The following FAM81A variants were observed in gnomAD, a reference collection of about 807,000 sequenced individuals.
FAM81A encodes the protein family with sequence similarity 81 member A.
Under a neutral mutation model 46.7 loss-of-function variants are expected in FAM81A, and 19 were observed. The observed-to-expected ratio is 0.41, with a 90% CI of 0.28 to 0.60. FAM81A has a LOEUF of 0.60. Among genes scored for constraint, FAM81A ranks in the 20% least tolerant of loss-of-function variants. The pLI, the probability that FAM81A is intolerant of heterozygous loss-of-function variation, is 0.34. For missense variants in FAM81A, 377 were observed against 453.5 expected (o/e 0.83, Z 1.53); for synonymous variants, 183 against 152.9 (o/e 1.20, Z -1.45).
chr15:59,401,111 TTGA>T (rs1389317558), intron 1 of FAM81A: 8 of 619,230 alleles, frequency 1.3e-5, no homozygotes, highest in South Asian at 3.7e-5. Context: ...AATAAATCTC[TTGA>T]TGATTGCAGA....
At chr15:59,407,006 C>G (rs571640381) in intron 2 of FAM81A, 1 of 167,908 alleles carries the variant, frequency 6.0e-6, no homozygotes, top group Admixed American at 6.0e-5. Context: ...GCTTTTCCAG[C>G]TTGGCAATGA....
At chr15:59,479,457 G>C (rs1377034369) in intron 3 of FAM81A, among the ~76,000 whole-genome samples, 1 of 148,336 alleles carries the variant, frequency 6.7e-6, no homozygotes, top group Non-Finnish European at 1.5e-5. Flanking sequence ...GTTGCAGTGA[G>C]CTGAGATTGT....
At chr15:59,482,951 G>T (rs373217736) in intron 3 of FAM81A, among the ~76,000 whole-genome samples, 17 of 152,130 alleles carry the variant, frequency 1.1e-4, no homozygotes, top group Admixed American at 1.0e-3. Flanking sequence ...TAACTAGTTT[G>T]TGTTCCTCTT....
chr15:59,434,626 G>C (rs537290838), upstream of FAM81A, among the ~76,000 whole-genome samples: 1 of 152,226 alleles, frequency 6.6e-6, no homozygotes, highest in South Asian at 2.1e-4. Flanking sequence ...GCTCCCTGTG[G>C]GAACCTTCTT....
chr15:59,430,511 C>T (rs532599611), intron 2 of FAM81A, among the ~76,000 whole-genome samples: 136 of 152,240 alleles, frequency 8.9e-4, no homozygotes, highest in African/African-American at 3.2e-3. Context: ...GGTGATCCAC[C>T]TGCCTTGGCC....
intron 1 of FAM81A, among the ~76,000 whole-genome samples, chr15:59,398,641 C>T (rs1410198855): frequency 2.6e-5 from 4 of 151,632 alleles, no homozygotes; most frequent in Non-Finnish European, 5.9e-5. Flanking sequence ...GCCTGTAGTC[C>T]CAGCTATTCA....
At chr15:59,401,591 C>T (rs193277984) in intron 1 of FAM81A, 19 of 868,888 alleles carry the variant, frequency 2.2e-5, no homozygotes, top group Admixed American at 1.5e-4. Context: ...CTTCCTTGTT[C>T]GAATAACTTT....
At chr15:59,412,031 T>G (rs1596460597) in intron 2 of FAM81A, among the ~76,000 whole-genome samples, 5 of 139,840 alleles carry the variant, frequency 3.6e-5, no homozygotes, top group African/African-American at 5.3e-5. Flanking sequence ...GCTATTACAG[T>G]GAAGAGAAAG....
intron 3 of FAM81A, among the ~76,000 whole-genome samples, chr15:59,491,452 A>G (rs2081980531): frequency 1.3e-5 from 2 of 152,186 alleles, no homozygotes; most frequent in Admixed American, 1.3e-4. Flanking sequence ...GGAAATGTGG[A>G]TGATTAATGG....
chr15:59,430,189 G>A (rs1567041091), intron 2 of FAM81A, among the ~76,000 whole-genome samples: 2 of 151,956 alleles, frequency 1.3e-5, no homozygotes, highest in Non-Finnish European at 1.5e-5. Context: ...CAGGGGGATG[G>A]GGAGGATAGG....
At chr15:59,473,512 T>C (rs551288683) in intron 3 of FAM81A, among the ~76,000 whole-genome samples, 6 of 152,300 alleles carry the variant, frequency 3.9e-5, no homozygotes, top group African/African-American at 7.2e-5. Context: ...CAGGGTATGT[T>C]ACAAAAAATA....
intron 3 of FAM81A, among the ~76,000 whole-genome samples, chr15:59,470,285 T>C (rs1023004482): frequency 3.9e-5 from 6 of 152,198 alleles, no homozygotes; most frequent in Non-Finnish European, 5.9e-5. Flanking sequence ...CTGGATGATA[T>C]CCTGAAGAGT....
At chr15:59,510,777 CAAAAAAAA>C (rs71119479) in intron 6 of FAM81A, among the ~76,000 whole-genome samples, 158 of 25,760 alleles carry the variant, frequency 6.1e-3, no homozygotes, top group Admixed American at 0.018. Flanking sequence ...GACCCTGTCT[CAAAAAAAA>C]AAAAAAAAAA....
rs769108467 is a variant in FAM81A, at chr15:59,460,044, C to T, written c.132C>T (p.Thr44=). Residue 44 remains threonine (T), a synonymous_variant, in exon 3 of 9, where the codon ACC becomes ACT. Coordinates refer to ENST00000288228, the MANE Select transcript of FAM81A (RefSeq NM_152450.3). The surrounding 1 kb of genome is among the most constrained non-coding windows in gnomAD (Gnocchi z 4.4). The part of the protein sequence containing the change: ...EDRILCHEKT[T]AALVEHAFRI... ...GGATCCTCTGCCATGAGAAAACCAC[C>T]GCCGCCCTCGTAGAGCACGCCTTTC... 6.8e-6 allele frequency: 11 copies of T among 1,613,812 alleles called. No individual in the cohort carries two copies. The highest frequency in any genetic ancestry group is 9.3e-6 in the Non-Finnish European group (11 of 1,179,886).
intron 4 of FAM81A, among the ~76,000 whole-genome samples, chr15:59,496,209 G>T (rs1417871180): frequency 6.6e-6 from 1 of 152,084 alleles, no homozygotes; most frequent in Non-Finnish European, 1.5e-5. Context: ...ATAAGGTAAG[G>T]TTCCACATTT....
At chr15:59,450,699 G>GAAC (rs1214404765) in intron 1 of FAM81A, among the ~76,000 whole-genome samples, 1 of 152,064 alleles carries the variant, frequency 6.6e-6, no homozygotes, top group Non-Finnish European at 1.5e-5. Flanking sequence ...CATATATTAA[G>GAAC]AACAACAACA....
chr15:59,403,344 G>A (rs1231668962), intron 2 of FAM81A, among the ~76,000 whole-genome samples: 1 of 152,056 alleles, frequency 6.6e-6, no homozygotes, highest in African/African-American at 2.4e-5. Context: ...TAATTAGATA[G>A]AACTTGTGTT....
intron 3 of FAM81A, among the ~76,000 whole-genome samples, chr15:59,480,442 G>C (rs1281153410): frequency 1.3e-5 from 2 of 152,086 alleles, no homozygotes; most frequent in Admixed American, 6.5e-5. Flanking sequence ...GCACATTGAG[G>C]CTCCCACAGA....
upstream of FAM81A, among the ~76,000 whole-genome samples, chr15:59,433,936 C>A (rs1410403482): frequency 6.6e-6 from 1 of 152,190 alleles, no homozygotes; most frequent in South Asian, 2.1e-4. Context: ...GCTCACTACA[C>A]CCTCTGCCTC....
Sources: allele counts gnomAD v4.1 joint callset (sites outside exome capture counted in the v4.1 genomes callset), GRCh38; gene constraint gnomAD v4.1.1; non-coding constraint Gnocchi (gnomAD v3.1); transcripts MANE v1.5; gene names NCBI Gene and HGNC (gene_info 2026-07-23, HGNC 2026-07-21).